The following AGTPBP1 variants were observed in gnomAD, a reference collection of about 807,000 sequenced individuals.
AGTPBP1 encodes ATP/GTP binding carboxypeptidase 1.
A neutral mutation model predicts 143.9 loss-of-function variants in AGTPBP1; 70 were observed. The observed-to-expected ratio is 0.49, with a 90% confidence interval of 0.40 to 0.59. AGTPBP1 has a LOEUF of 0.59. AGTPBP1 is among the 20% of genes least tolerant of loss of function. The probability of loss-of-function intolerance (pLI) is 0.00; values close to 1 mark genes in which losing one functional copy is unlikely to be tolerated. For synonymous variants in AGTPBP1, 463 were observed against 500.2 expected (o/e 0.93, Z 0.99); for missense variants, 1,229 against 1,464.5 (o/e 0.84, Z 2.62).
intron 25 of AGTPBP1, among the ~76,000 whole-genome samples, chr9:85,564,311 T>C (rs1449379061): frequency 1.3e-5 from 2 of 152,240 alleles, no homozygotes; most frequent in African/African-American, 4.8e-5. Flanking sequence ...GTCACTTCTT[T>C]TTCTTTTTGG....
intron 25 of AGTPBP1, among the ~76,000 whole-genome samples, chr9:85,573,558 G>C (rs1038419224): frequency 3.3e-5 from 5 of 151,858 alleles, no homozygotes; most frequent in African/African-American, 1.2e-4. Flanking sequence ...TCTCTGCCTG[G>C]CCACCCATCG....
chr9:85,645,419 C>T (rs1261859167), intron 12 of AGTPBP1, among the ~76,000 whole-genome samples: 1 of 152,100 alleles, frequency 6.6e-6, no homozygotes, highest in African/African-American at 2.4e-5. Flanking sequence ...AGGGCAATAC[C>T]TGATGCCAGG....
At chr9:85,765,938 C>T in the AGTPBP1 span, among the ~76,000 whole-genome samples, 18 of 151,996 alleles carry the variant, frequency 1.2e-4, no homozygotes, top group African/African-American at 4.1e-4. Context: ...CCTCTGTTGC[C>T]GTTTTATAAC....
chr9:85,627,542 A>C (rs1425257711), intron 14 of AGTPBP1, among the ~76,000 whole-genome samples: 3 of 152,204 alleles, frequency 2.0e-5, no homozygotes, highest in Non-Finnish European at 4.4e-5. Context: ...GCACCTGTGA[A>C]GATCCACACT....
intron 8 of AGTPBP1, among the ~76,000 whole-genome samples, chr9:85,664,657 T>A (rs1435145937): frequency 6.6e-6 from 1 of 152,120 alleles, no homozygotes; most frequent in Non-Finnish European, 1.5e-5. Context: ...AAACCCCTCT[T>A]CCTATGGTTA....
chr9:85,614,846 T>C (rs1000342645), intron 17 of AGTPBP1, among the ~76,000 whole-genome samples: 1 of 152,102 alleles, frequency 6.6e-6, no homozygotes, highest in Non-Finnish European at 1.5e-5. Flanking sequence ...TGAATTCAAA[T>C]TCAAAAAGTG....
the AGTPBP1 span, chr9:85,753,236 A>G: frequency 2.7e-5 from 43 of 1,564,542 alleles, no homozygotes; most frequent in Non-Finnish European, 3.6e-5. Flanking sequence ...AAGAAAAAAA[A>G]AATTGTCATC....
chr9:85,615,568 A>C (rs2133481560), intron 17 of AGTPBP1, among the ~76,000 whole-genome samples: 1 of 152,234 alleles, frequency 6.6e-6, no homozygotes, highest in South Asian at 2.1e-4. Flanking sequence ...GTAGTGTTAC[A>C]CATGAGCTTT....
At chr9:85,672,297 G>A (rs1386380624) in intron 7 of AGTPBP1, among the ~76,000 whole-genome samples, 1 of 152,102 alleles carries the variant, frequency 6.6e-6, no homozygotes, top group African/African-American at 2.4e-5. Flanking sequence ...TCAAACTCCT[G>A]ACCTCAGGTG....
intron 2 of AGTPBP1, among the ~76,000 whole-genome samples, chr9:85,703,076 C>T (rs1458941787): frequency 1.3e-5 from 2 of 152,208 alleles, no homozygotes; most frequent in Non-Finnish European, 2.9e-5. Context: ...GTGTACTTAT[C>T]TTCACTTCCT....
At chr9:85,663,378 C>A (rs1833952696) in intron 8 of AGTPBP1, among the ~76,000 whole-genome samples, 1 of 152,012 alleles carries the variant, frequency 6.6e-6, no homozygotes, top group African/African-American at 2.4e-5. Context: ...AAGGATTCTG[C>A]CTCAGTAGTG....
chr9:85,655,317 A>G lies in AGTPBP1; in HGVS notation c.913T>C (p.Cys305Arg). The part of the protein sequence containing the change: ...MKILYNTSQE[C>R]LAVRTLDPLV... ...GGATCCAGAGTCCTGACTGCCAGAC[A>G]TTCCTGTTTTTTAAAAAAAGAAAAA... Residue 305 changes from cysteine (C) to arginine (R), a missense_variant, in exon 11 of 26, where the codon TGT becomes CGT. By Grantham distance (180) the Cys-to-Arg change is radical. Transcript: ENST00000357081. 6.7e-7 allele frequency: 1 copy of G among 1,487,074 alleles called. No homozygotes were observed. The highest frequency in any genetic ancestry group is 1.4e-5 in the South Asian group (1 of 73,872). The allele number at this position is 1,487,074 out of a possible 1,614,324, so 92.1% of individuals were successfully genotyped here.
At chr9:85,589,727 C>T in intron 19 of AGTPBP1, 46 bp from the exon 20 acceptor site, 1 of 1,528,878 alleles carries the variant, frequency 6.5e-7, no homozygotes, top group Middle Eastern at 1.7e-4. Flanking sequence ...TTAAAAAGTC[C>T]CTATGATATA....
intron 3 of AGTPBP1, among the ~76,000 whole-genome samples, chr9:85,692,456 G>A (rs547987377): frequency 1.3e-5 from 2 of 151,546 alleles, no homozygotes; most frequent in South Asian, 2.1e-4. Flanking sequence ...GTATTTTTTA[G>A]TAGAGACGGG....
chr9:85,784,300 T>G, the AGTPBP1 span, among the ~76,000 whole-genome samples: 1 of 152,248 alleles, frequency 6.6e-6, no homozygotes, highest in East Asian at 1.9e-4. Flanking sequence ...AACTTTCTTG[T>G]GAAGAATCCA....
chr9:85,628,880 T>C (rs1431100714), intron 14 of AGTPBP1, among the ~76,000 whole-genome samples: 1 of 151,962 alleles, frequency 6.6e-6, no homozygotes, highest in Non-Finnish European at 1.5e-5. Context: ...CACACCCAGC[T>C]AATTTTTTGT....
chr9:85,802,393 T>C, the AGTPBP1 span, among the ~76,000 whole-genome samples: 24 of 152,270 alleles, frequency 1.6e-4, 1 homozygote, highest in South Asian at 4.8e-3. Context: ...CTGCCAAAAC[T>C]GCCTACTCAG....
chr9:85,732,430 G>A (rs1023673690), intron 1 of AGTPBP1, among the ~76,000 whole-genome samples: 6 of 151,790 alleles, frequency 4.0e-5, no homozygotes, highest in East Asian at 3.9e-4. Flanking sequence ...TAGCCAGGAC[G>A]GGACTATGAA....
intron 1 of AGTPBP1, among the ~76,000 whole-genome samples, chr9:85,723,679 C>T (rs1009139474): frequency 2.6e-5 from 4 of 152,118 alleles, no homozygotes; most frequent in East Asian, 1.9e-4. Flanking sequence ...GCTTGCCCTC[C>T]GTGGGCTGCA....
Sources: allele counts gnomAD v4.1 joint callset (sites outside exome capture counted in the v4.1 genomes callset), GRCh38; gene constraint gnomAD v4.1.1; transcripts MANE v1.5; gene names NCBI Gene and HGNC (gene_info 2026-07-23, HGNC 2026-07-21).